The following PGLYRP4 variants were observed in gnomAD, a reference collection of about 807,000 sequenced individuals.
PGLYRP4 encodes the protein peptidoglycan recognition protein 4, also known as PGRP-I-beta.
PGLYRP4 carries 39 observed loss-of-function variants against 41.2 expected under a neutral mutation model. That is an observed-to-expected ratio of 0.95 (90% confidence interval 0.73 to 1.24). PGLYRP4 has a LOEUF of 1.24. Ranked by LOEUF, PGLYRP4 falls within the 50% of genes most tolerant of loss-of-function variation. The pLI is 0.00. For missense variants in PGLYRP4, 467 were observed against 460.7 expected (o/e 1.01, Z -0.13); for synonymous variants, 202 against 186.8 (o/e 1.08, Z -0.66).
At chr1:153,343,326 T>C in intron 4 of PGLYRP4, 118 bp from the exon 5 acceptor site, 1 of 680,300 alleles carries the variant, frequency 1.5e-6, no homozygotes, top group East Asian at 2.5e-5. Flanking sequence ...CTAAAAGGAA[T>C]TTGCATGAAC....
intron 8 of PGLYRP4, among the ~76,000 whole-genome samples, chr1:153,332,004 A>G (rs1410641312): frequency 6.6e-6 from 1 of 152,234 alleles, no homozygotes; most frequent in African/African-American, 2.4e-5. Flanking sequence ...TAAAGGCTTC[A>G]CTTAAAAAAT....
intron 7 of PGLYRP4, among the ~76,000 whole-genome samples, chr1:153,338,918 C>T (rs1660681945): frequency 6.6e-6 from 1 of 152,226 alleles, no homozygotes; most frequent in South Asian, 2.1e-4. Flanking sequence ...AGCATTGGCT[C>T]CATGCAGGCA....
chr1:153,345,695 A>G (rs1008410950), intron 3 of PGLYRP4, among the ~76,000 whole-genome samples: 3 of 152,216 alleles, frequency 2.0e-5, no homozygotes, highest in Non-Finnish European at 2.9e-5. Context: ...AGCCCTGAGC[A>G]GCCTGGCTTG....
chr1:153,346,606 C>A (rs1315435833), intron 2 of PGLYRP4, among the ~76,000 whole-genome samples: 1 of 152,208 alleles, frequency 6.6e-6, no homozygotes, highest in Non-Finnish European at 1.5e-5. Context: ...CGGCTCAGAC[C>A]AGTTCCCCCG....
rs759481086 is a variant in PGLYRP4, at chr1:153,341,188, T to C, written c.625+439A>G. ...ATGTGTATAAATGTGTCCAGTCCCTTTCCATTGTTTCCTCCCTTGCACTTT... is the reference window on the plus strand; with the variant it reads ...ATGTGTATAAATGTGTCCAGTCCCTCTCCATTGTTTCCTCCCTTGCACTTT... On this transcript the variant is annotated intron_variant, in intron 6 of 8. Coordinates refer to ENST00000359650, the MANE Select transcript of PGLYRP4 (RefSeq NM_020393.4). 1.3e-4 allele frequency among the ~76,000 whole-genome samples: 20 copies of C among 152,202 alleles called. 1 individual carries two copies. The highest frequency in any genetic ancestry group is 2.9e-4 in the African/African-American group (12 of 41,442).
chr1:153,330,873 A>G lies in PGLYRP4; in HGVS notation c.1016T>C (p.Leu339Pro). 6.2e-7 allele frequency: 1 copy of G among 1,614,112 alleles called. No individual in the cohort carries two copies. The highest frequency in any genetic ancestry group is 8.5e-7 in the Non-Finnish European group (1 of 1,179,972). The stretch of plus-strand genomic sequence containing the variant: ...GCCCACCAGCAGGTAGTTGGGAGTC[A>G]GGTACCCTTTGACCATGGCACACTG... ...LIQCAMVKGY[L>P]TPNYLLVGHS... Residue 339 changes from leucine to proline, a missense_variant, in exon 9 of 9, where the codon CTG (leucine) becomes CCG (proline). Transcript: ENST00000359650.
At chr1:153,338,494 A>G (rs1017303479) in intron 7 of PGLYRP4, among the ~76,000 whole-genome samples, 4 of 152,172 alleles carry the variant, frequency 2.6e-5, no homozygotes, top group Admixed American at 2.0e-4. Flanking sequence ...TTACTATGTC[A>G]AAACCCTGTT....
chr1:153,334,535 T>C (rs1046755485), intron 8 of PGLYRP4, among the ~76,000 whole-genome samples: 2 of 148,354 alleles, frequency 1.3e-5, no homozygotes, highest in Admixed American at 6.7e-5. Context: ...TACAAAACAC[T>C]GATGAAAAAA....
intron 8 of PGLYRP4, 72 bp from the exon 9 acceptor site, chr1:153,331,017 C>A: frequency 7.9e-7 from 1 of 1,258,856 alleles, no homozygotes; most frequent in Non-Finnish European, 1.1e-6. Context: ...TCCCCAGAAC[C>A]CACCCTCATC....
At chr1:153,336,397 G>C (rs372304610) in intron 8 of PGLYRP4, among the ~76,000 whole-genome samples, 20 of 111,480 alleles carry the variant, frequency 1.8e-4, no homozygotes, top group Middle Eastern at 5.4e-3. Flanking sequence ...AAAAAACAAA[G>C]AAAGAAAAGA....
intron 4 of PGLYRP4, 173 bp downstream of exon 4, chr1:153,344,994 TCA>T (rs2101577131): frequency 3.3e-6 from 2 of 597,220 alleles, no homozygotes; most frequent in Admixed American, 6.0e-5. Context: ...GACAGGCACC[TCA>T]CAGAAAAATC....
Position 153,330,577 on chromosome 1 carries a change from C to A in PGLYRP4, c.*190G>T. On this transcript the variant is annotated 3_prime_UTR_variant, in exon 9 of 9. Coordinates refer to ENST00000359650, the MANE Select transcript of PGLYRP4 (RefSeq NM_020393.4). ...TCAGACTCAGAGGGCTGTGAATGTC[C>A]AGCTATGAGGTTTGGAGGCCCTTGG... 1 of 455,098 alleles carries A rather than the reference C, an allele frequency of 2.2e-6. No individual in the cohort carries two copies. Among genetic ancestry groups the A allele is most frequent in the East Asian group, 3.2e-5 (1 of 31,184 alleles). The allele number at this position is 455,098 out of a possible 1,614,324, so 28.2% of individuals were successfully genotyped here.
intron 8 of PGLYRP4, among the ~76,000 whole-genome samples, chr1:153,334,682 T>C (rs547023910): frequency 6.6e-6 from 1 of 152,026 alleles, no homozygotes; most frequent in East Asian, 1.9e-4. Flanking sequence ...ACATCATTTT[T>C]CACAGAATTT....
At chr1:153,348,231 T>C (rs994817547) in intron 1 of PGLYRP4, among the ~76,000 whole-genome samples, 17 of 152,188 alleles carry the variant, frequency 1.1e-4, no homozygotes, top group African/African-American at 4.1e-4. Context: ...GCACATGCAG[T>C]CTTATTTAAT....
chr1:153,348,418 G>A (rs994370049), intron 1 of PGLYRP4, 110 bp downstream of exon 1: 10 of 157,652 alleles, frequency 6.3e-5, no homozygotes, highest in Admixed American at 5.8e-4. Flanking sequence ...GAGTAGGAGG[G>A]GTTCCTAGTT....
At chr1:153,344,455 C>T (rs1356941738) in intron 4 of PGLYRP4, among the ~76,000 whole-genome samples, 2 of 152,122 alleles carry the variant, frequency 1.3e-5, no homozygotes, top group Non-Finnish European at 2.9e-5. Context: ...AGGCTACACA[C>T]CAAGCCCTGT....
In PGLYRP4 at chr1:153,333,979, A is replaced by T. The variant is rs112662714; in HGVS notation, c.944-3034T>A. ...TACTGAATGGTAAGAAGTTGAAAAC[A>T]TTCCCCCTAAGAACTAGAAAAAGAC... On this transcript the variant is annotated intron_variant, in intron 8 of 8. Transcript: ENST00000359650. Among the ~76,000 whole-genome samples the T allele has an allele frequency of 7.3e-3, 1,106 of 152,258 alleles. 17 individuals carry two copies. Among genetic ancestry groups the T allele is most frequent in the African/African-American group, 0.025 (1,048 of 41,546 alleles).
At chr1:153,339,454 T>C (rs1660702777) in intron 7 of PGLYRP4, among the ~76,000 whole-genome samples, 1 of 152,202 alleles carries the variant, frequency 6.6e-6, no homozygotes, top group African/African-American at 2.4e-5. Flanking sequence ...GGTAAATTCA[T>C]CGCTAAGCCA....
chr1:153,336,041 CGTGCGTGT>C (rs1262986371), intron 8 of PGLYRP4, among the ~76,000 whole-genome samples: 1 of 40,838 alleles, frequency 2.4e-5, no homozygotes, highest in Non-Finnish European at 4.7e-5. Context: ...AGGTAGGGTG[CGTGCGTGT>C]GTGTGTGTGT....
Sources: allele counts gnomAD v4.1 joint callset (sites outside exome capture counted in the v4.1 genomes callset), GRCh38; gene constraint gnomAD v4.1.1; transcripts MANE v1.5; gene names NCBI Gene and HGNC (gene_info 2026-07-23, HGNC 2026-07-21).